Variants in CSPP1 observed in about 807,000 individuals in gnomAD.
The protein encoded by CSPP1 is centrosome and spindle pole associated protein 1, also known as centrosome and spindle pole-associated protein 1.
CSPP1 carries 126 observed loss-of-function variants against 164.4 expected under a neutral mutation model. The observed-to-expected ratio is 0.77, with a 90% CI of 0.66 to 0.89. The LOEUF (loss-of-function observed/expected upper bound fraction) is 0.89. Ranked by LOEUF, CSPP1 falls within the 40% of genes least tolerant of loss-of-function variation. CSPP1 has a pLI of 0.00. For missense variants in CSPP1, 1,395 were observed against 1,449.8 expected (o/e 0.96, Z 0.61); for synonymous variants, 472 against 476.7 (o/e 0.99, Z 0.13).
In CSPP1 at chr8:67,086,046, A is replaced by G. The variant is rs1013541130; in HGVS notation, c.239A>G (p.Tyr80Cys). The change falls in exon 4 of 31, where the codon TAT becomes TGT. Residue 80 changes from tyrosine (Y) to cysteine (C), a missense_variant. Physicochemically the swap from Tyr to Cys is radical, Grantham distance 194. Coordinates refer to ENST00000678616, the MANE Select transcript of CSPP1 (RefSeq NM_001382391.1). ...YGLSLPLGED[Y>C]ERKKHKLKEE... ...TTAAGTTTACCACTTGGAGAAGACT[A>G]TGAACGGAAGAAACATAAATTAAAA... is the stretch of plus-strand genomic sequence containing the variant. The G allele has an allele frequency of 6.6e-7, 1 of 1,524,688 alleles. No homozygotes were observed. Among genetic ancestry groups the G allele is most frequent in the Non-Finnish European group, 9.1e-7 (1 of 1,098,742 alleles). The allele number at this position is 1,524,688 out of a possible 1,614,324, so 94.4% of individuals were successfully genotyped here.
chr8:67,064,805 T>G, intron 1 of CSPP1: 2 of 276,582 alleles, frequency 7.2e-6, no homozygotes, highest in Non-Finnish European at 1.4e-5. Flanking sequence ...GAGGCCGGCA[T>G]CGGTGACTAC....
In CSPP1 at chr8:67,182,961, C is replaced by A. The variant is rs148910111; in HGVS notation, c.3220+3035C>A. Among the ~76,000 whole-genome samples the A allele has an allele frequency of 5.3e-3, 810 of 152,270 alleles. 3 individuals carry two copies. The highest frequency in any genetic ancestry group is 9.3e-3 in the Non-Finnish European group (631 of 68,004). Reference sequence around the variant, plus strand: ...ACTGTGTTGATTGTGTCCTTTGATACATAGGAGCTTTTAATTTTGATACAG... The same window carrying A: ...ACTGTGTTGATTGTGTCCTTTGATAAATAGGAGCTTTTAATTTTGATACAG... On this transcript the variant is annotated intron_variant, in intron 28 of 30. Transcript: ENST00000678616.
intron 30 of CSPP1, among the ~76,000 whole-genome samples, chr8:67,194,671 CACAG>C (rs1563812609): frequency 6.7e-6 from 1 of 149,934 alleles, no homozygotes; most frequent in Non-Finnish European, 1.5e-5. Flanking sequence ...ACCAATCCTT[CACAG>C]ACCAGGAGAA....
rs534497734 is a variant in CSPP1 at position 67,189,265 on chromosome 8, G to C, written c.3221-1385G>C. On this transcript the variant is annotated intron_variant, in intron 28 of 30. Coordinates refer to ENST00000678616, the MANE Select transcript of CSPP1 (RefSeq NM_001382391.1). ...TACAGTTCAGCGTATACACTCCTTG[G>C]TATTTGCCTAAGGGAGCTGAAAACT... is the stretch of plus-strand genomic sequence containing the variant. Among the ~76,000 whole-genome samples the C allele has an allele frequency of 7.2e-5, 11 of 152,252 alleles. No individual in the cohort carries two copies. In the South Asian group the frequency reaches 2.1e-3, roughly 29 times the overall value.
rs552130658 is a variant in CSPP1, at chr8:67,173,241, T to C, written c.2968+686T>C. The stretch of plus-strand genomic sequence containing the variant: ...GGCTCTAGGAGAGGGAGAGTGATTG[T>C]TGAAGTGAAATCTAGGGGATTTGAG... On this transcript the variant is annotated intron_variant, in intron 25 of 30. Transcript: ENST00000678616. Among the ~76,000 whole-genome samples, 5 of 152,118 alleles carry C rather than the reference T, an allele frequency of 3.3e-5. No individual in the cohort carries two copies. In the East Asian group the frequency reaches 9.7e-4, roughly 29 times the overall value.
rs777747860 is a variant in CSPP1, at chr8:67,131,936, G to A, written c.1698-15G>A. ...CGTCAATGGATTTAAATTATTTATT[G>A]TGTATTTGATGTAGGAATACGGTTG... On this transcript the variant is annotated splice_polypyrimidine_tract_variant and intron_variant, in intron 15 of 30. Transcript: ENST00000678616. 1.3e-5 allele frequency: 20 copies of A among 1,568,484 alleles called. No individual in the cohort carries two copies. In the Admixed American group the frequency reaches 3.8e-4, roughly 29 times the overall value.
At position 67,118,827 on chromosome 8, in the gene CSPP1, T is replaced by C. The variant is rs1818437383; in HGVS notation, c.1697+6T>C. 3 of 1,595,164 alleles carry C rather than the reference T, an allele frequency of 1.9e-6. No homozygotes were observed. The African/African-American group carries it at 4.0e-5, about 21-fold the overall frequency. ...CAACTAGCACAACCTGTTGTGTAAGTTATTAGTTAAAAGAATAATTTTTTC... is the reference window on the plus strand; with the variant it reads ...CAACTAGCACAACCTGTTGTGTAAGCTATTAGTTAAAAGAATAATTTTTTC... On this transcript the variant is annotated splice_donor_region_variant and intron_variant, in intron 15 of 30. Coordinates refer to ENST00000678616, the MANE Select transcript of CSPP1 (RefSeq NM_001382391.1).
At chr8:67,158,397 C>T (rs924323845) in intron 19 of CSPP1, 50 bp from the exon 20 acceptor site, 5 of 1,485,044 alleles carry the variant, frequency 3.4e-6, no homozygotes. Context: ...AAGTGATATT[C>T]TAACTTTTCA....
chr8:67,124,806 C>T (rs962055166), intron 15 of CSPP1, among the ~76,000 whole-genome samples: 2 of 152,098 alleles, frequency 1.3e-5, no homozygotes, highest in African/African-American at 4.8e-5. Context: ...CTCAGGCTCC[C>T]AAGTAGCTAC....
chr8:67,084,681 A>G (rs1171536638), intron 3 of CSPP1, among the ~76,000 whole-genome samples: 2 of 151,784 alleles, frequency 1.3e-5, no homozygotes, highest in South Asian at 2.1e-4. Context: ...TGAGGCTGCA[A>G]TGTGCCATGA....
chr8:67,074,784 T>C, intron 2 of CSPP1: 2 of 319,398 alleles, frequency 6.3e-6, no homozygotes, highest in Non-Finnish European at 1.2e-5. Context: ...TTAAAATAAT[T>C]GCTTTTTTTT....
chr8:67,190,502 A>G (rs567878182), intron 28 of CSPP1, 148 bp from the exon 29 acceptor site: 45 of 625,206 alleles, frequency 7.2e-5, no homozygotes, highest in Admixed American at 1.7e-4. Context: ...AATTTACTAA[A>G]AAAATCACCG....
intron 27 of CSPP1, among the ~76,000 whole-genome samples, chr8:67,179,156 G>A (rs1306043166): frequency 1.3e-5 from 2 of 152,136 alleles, no homozygotes; most frequent in Non-Finnish European, 2.9e-5. Context: ...CTTCTGACAT[G>A]TTGGTTATTA....
chr8:67,064,612 G>T, intron 1 of CSPP1, 74 bp downstream of exon 1: 1 of 1,400,768 alleles, frequency 7.1e-7, no homozygotes, highest in Non-Finnish European at 9.5e-7. Flanking sequence ...GCGGGGGCAG[G>T]GGCAGTGGCT....
Position 67,195,712 on chromosome 8 carries a change from A to G in CSPP1, c.*119A>G, listed in dbSNP as rs1256477017. 16 of 706,064 alleles carry G rather than the reference A, an allele frequency of 2.3e-5. No individual in the cohort carries two copies. In the South Asian group the frequency reaches 2.7e-4, roughly 12 times the overall value. 43.7% of individuals were successfully genotyped at this position (706,064 alleles called of 1,614,324 possible). On this transcript the variant is annotated 3_prime_UTR_variant, in exon 31 of 31. Coordinates refer to ENST00000678616, the MANE Select transcript of CSPP1 (RefSeq NM_001382391.1). Reference sequence around the variant, plus strand: ...AAGTTACTTTTTTTCCATCATCTGTATATAAAATTATTTTTATCATGATGT... The same window carrying G: ...AAGTTACTTTTTTTCCATCATCTGTGTATAAAATTATTTTTATCATGATGT...
intron 21 of CSPP1, among the ~76,000 whole-genome samples, chr8:67,159,961 CT>C (rs1332293384): frequency 9.2e-4 from 27 of 29,240 alleles, no homozygotes; most frequent in African/African-American, 1.9e-3. Flanking sequence ...TTCCTTCTTT[CT>C]TTTCTTTTCT....
Position 67,172,466 on chromosome 8 carries a change from T to G in CSPP1, c.2879T>G (p.Leu960Trp), listed in dbSNP as rs1392024983. 6.2e-7 allele frequency: 1 copy of G among 1,613,248 alleles called. No individual in the cohort carries two copies. Among genetic ancestry groups the G allele is most frequent in the Non-Finnish European group, 8.5e-7 (1 of 1,179,190 alleles). ...MDIFDMARHR[L>W]QAPVRRQSPK... ...ATATTTGATATGGCTAGACATCGGT[T>G]GCAAGCTCCTGTCAGAAGACAGTCC... The change falls in exon 25 of 31, where the codon TTG becomes TGG. Residue 960 changes from leucine (L) to tryptophan (W), a missense_variant. Leu to Trp is a moderately conservative substitution (Grantham distance 61). Coordinates refer to ENST00000678616, the MANE Select transcript of CSPP1 (RefSeq NM_001382391.1).
intron 9 of CSPP1, among the ~76,000 whole-genome samples, chr8:67,106,741 G>GA (rs1288349935): frequency 6.6e-6 from 1 of 151,992 alleles, no homozygotes; most frequent in Non-Finnish European, 1.5e-5. Flanking sequence ...AAAACTGTTA[G>GA]AAAAAAATGA....
chr8:67,152,829 A>T (rs531896513), intron 18 of CSPP1, among the ~76,000 whole-genome samples: 1 of 152,376 alleles, frequency 6.6e-6, no homozygotes, highest in South Asian at 2.1e-4. Context: ...AATAAATTTA[A>T]ATACAAAAGC....
Sources: gnomAD v4.1 joint callset for allele counts (sites outside exome capture counted in the v4.1 genomes callset) on GRCh38, gnomAD v4.1.1 for gene constraint, MANE v1.5 for transcripts, NCBI Gene and HGNC (gene_info 2026-07-23, HGNC 2026-07-21) for gene names.